The following SLC2A2 variants were observed in gnomAD, a reference collection of about 807,000 sequenced individuals.
The protein encoded by SLC2A2 is solute carrier family 2 member 2.
A neutral mutation model predicts 54.5 loss-of-function variants in SLC2A2; 36 were observed. The observed-to-expected ratio is 0.66, with a 90% CI of 0.51 to 0.87. The LOEUF is 0.87. Ranked by LOEUF, SLC2A2 falls within the 40% of genes least tolerant of loss-of-function variation. The probability of loss-of-function intolerance (pLI) is 0.00; values close to 1 mark genes in which losing one functional copy is unlikely to be tolerated. For missense variants in SLC2A2, 543 were observed against 624.3 expected (o/e 0.87, Z 1.39); for synonymous variants, 223 against 219.1 (o/e 1.02, Z -0.16).
Position 171,002,597 on chromosome 3 carries a change from GT to G in SLC2A2, c.1046del (p.Asn349ThrfsTer22). ...TTACAGAGACAGCAGTGAAAACCAT[GT>G]TTACAGCGCCAACTCCAATGGTTGC... ...VYATIGVGAVNMVFTAVSVFL... is the reference protein window; with the variant it reads ...VYATIGVGAVXMVFTAVSVFL... On this transcript the variant is annotated frameshift_variant, in exon 8 of 11. Transcript: ENST00000314251. LOFTEE classifies it high-confidence loss of function. 1 of 1,609,228 alleles carries G rather than the reference GT, an allele frequency of 6.2e-7. No homozygotes were observed. Among genetic ancestry groups the G allele is most frequent in the Non-Finnish European group, 8.5e-7 (1 of 1,176,542 alleles).
intron 4 of SLC2A2, among the ~76,000 whole-genome samples, chr3:171,007,742 A>G (rs944034099): frequency 1.3e-5 from 2 of 151,974 alleles, no homozygotes; most frequent in Non-Finnish European, 2.9e-5. Context: ...CCCTATCTGA[A>G]TTTCCACAAC....
At chr3:171,008,539 G>A (rs1715718570) in intron 4 of SLC2A2, among the ~76,000 whole-genome samples, 1 of 152,060 alleles carries the variant, frequency 6.6e-6, no homozygotes, top group African/African-American at 2.4e-5. Flanking sequence ...AATTTTAGAA[G>A]ATAGTTAGGG....
At chr3:171,011,625 G>A (rs61791106) in intron 3 of SLC2A2, among the ~76,000 whole-genome samples, 34,340 of 152,048 alleles carry the variant, frequency 0.23, 5,679 homozygotes, top group African/African-American at 0.47. Flanking sequence ...CAGCAGCAAT[G>A]TGAAATGAGT....
rs566648032 is a variant in SLC2A2, at chr3:171,015,969, C to T, written c.109-1238G>A. Among the ~76,000 whole-genome samples, 3 of 152,178 alleles carry T rather than the reference C, an allele frequency of 2.0e-5. No individual in the cohort carries two copies. In the South Asian group the frequency reaches 6.2e-4, roughly 32 times the overall value. On this transcript the variant is annotated intron_variant, in intron 2 of 10. Transcript: ENST00000314251. The stretch of plus-strand genomic sequence containing the variant: ...GCCATCTTCCTCCCATGTCATTCCT[C>T]TCAATGATGATTTGGTCACTATTTA...
chr3:171,001,364 A>T (rs1323863252), intron 8 of SLC2A2, among the ~76,000 whole-genome samples: 1 of 151,966 alleles, frequency 6.6e-6, no homozygotes, highest in African/African-American at 2.4e-5. Flanking sequence ...ATTGATTTAG[A>T]GTGGCCTTTT....
rs902152333 is a variant in SLC2A2, at chr3:170,997,668, T to A, written c.*235A>T. ...AATATTAGAACCACCTGCCCTTTAGTGTAACAAAATAAACTAGCCTTTTTG... is the reference window on the plus strand; with the variant it reads ...AATATTAGAACCACCTGCCCTTTAGAGTAACAAAATAAACTAGCCTTTTTG... On this transcript the variant is annotated 3_prime_UTR_variant, in exon 11 of 11. Coordinates refer to ENST00000314251, the MANE Select transcript of SLC2A2 (RefSeq NM_000340.2). The A allele has an allele frequency of 1.9e-6, 1 of 518,544 alleles. No individual in the cohort carries two copies. The allele number at this position is 518,544 out of a possible 1,614,324, so 32.1% of individuals were successfully genotyped here. A position where few individuals can be genotyped will look rare whatever the true frequency, so the allele number is the denominator to read the frequency against.
Position 170,997,863 on chromosome 3 carries a change from C to T in SLC2A2, c.*40G>A. Reference sequence around the variant, plus strand: ...TCATCATTTAAAAACAGACGGTTCCCTTATTGTTTCTGTTCATGTCAAAAA... The same window carrying T: ...TCATCATTTAAAAACAGACGGTTCCTTTATTGTTTCTGTTCATGTCAAAAA... On this transcript the variant is annotated 3_prime_UTR_variant, in exon 11 of 11. Transcript: ENST00000314251. 1 of 1,513,610 alleles carries T rather than the reference C, an allele frequency of 6.6e-7. No individual in the cohort carries two copies. Among genetic ancestry groups the T allele is most frequent in the South Asian group, 1.2e-5 (1 of 86,704 alleles). The allele number at this position is 1,513,610 out of a possible 1,614,324, so 93.8% of individuals were successfully genotyped here. A position where few individuals can be genotyped will look rare whatever the true frequency, so the allele number is the denominator to read the frequency against.
intron 1 of SLC2A2, among the ~76,000 whole-genome samples, chr3:171,021,908 G>A (rs2108265527): frequency 6.6e-6 from 1 of 152,252 alleles, no homozygotes; most frequent in East Asian, 1.9e-4. Context: ...ACATCTCTCT[G>A]GCACTGACAA....
chr3:171,017,372 C>A (rs942611946), intron 2 of SLC2A2, among the ~76,000 whole-genome samples: 16 of 152,184 alleles, frequency 1.1e-4, no homozygotes, highest in Non-Finnish European at 2.2e-4. Flanking sequence ...TGCCACACTC[C>A]TGATGATTGT....
At chr3:171,017,342 A>G (rs1346219804) in intron 2 of SLC2A2, among the ~76,000 whole-genome samples, 2 of 152,192 alleles carry the variant, frequency 1.3e-5, no homozygotes, top group Non-Finnish European at 2.9e-5. Context: ...CCCCAGCACT[A>G]TGCCCTGGAT....
chr3:170,998,192 C>T lies in SLC2A2; in HGVS notation c.1374+1G>A. On this transcript the variant is annotated splice_donor_variant, in intron 10 of 10. Transcript: ENST00000314251. LOFTEE classifies it high-confidence loss of function. ...AATCTGTGGAATATTAGGCTGCTTA[C>T]CGCAATGTACTGGAAACACAGAGCT... The T allele has an allele frequency of 1.2e-6, 2 of 1,613,654 alleles. No homozygotes were observed. Among genetic ancestry groups the T allele is most frequent in the South Asian group, 2.2e-5 (2 of 91,078 alleles).
In SLC2A2 at chr3:171,006,112, A is replaced by G; in HGVS notation, c.613-7T>C. 1.6e-5 allele frequency: 25 copies of G among 1,611,034 alleles called. No homozygotes were observed. Among genetic ancestry groups the G allele is most frequent in the Non-Finnish European group, 2.0e-5 (24 of 1,177,824 alleles). On this transcript the variant is annotated splice_polypyrimidine_tract_variant and splice_region_variant and intron_variant, in intron 5 of 10. Coordinates refer to ENST00000314251, the MANE Select transcript of SLC2A2 (RefSeq NM_000340.2). The stretch of plus-strand genomic sequence containing the variant: ...TAAATTCAAGACCAATAATCTGAAA[A>G]TGCAAGGAGGAAGTATATCAACTAC...
At position 170,997,105 on chromosome 3, in the gene SLC2A2, A is replaced by G. The variant is rs959004631; in HGVS notation, c.*798T>C. The stretch of plus-strand genomic sequence containing the variant: ...CCTCAATTAAAAAGCAAAGCAAACT[A>G]TAACTCAAAGGATTGTACCAGAAGG... On this transcript the variant is annotated 3_prime_UTR_variant, in exon 11 of 11. Coordinates refer to ENST00000314251, the MANE Select transcript of SLC2A2 (RefSeq NM_000340.2). 2.0e-5 allele frequency: 3 copies of G among 153,826 alleles called. No homozygotes were observed. The highest frequency in any genetic ancestry group is 7.2e-5 in the African/African-American group (3 of 41,536). The allele number at this position is 153,826 out of a possible 1,614,324, so 9.5% of individuals were successfully genotyped here. A position where few individuals can be genotyped will look rare whatever the true frequency, so the allele number is the denominator to read the frequency against.
At chr3:171,022,499 GGCAAA>G (rs1716509330) in intron 1 of SLC2A2, among the ~76,000 whole-genome samples, 2 of 152,278 alleles carry the variant, frequency 1.3e-5, no homozygotes, top group South Asian at 4.1e-4. Flanking sequence ...AGTCCAAAAA[GGCAAA>G]GCCTACTCAA....
At chr3:171,007,023 G>T in intron 5 of SLC2A2, 125 bp downstream of exon 5, 1 of 713,094 alleles carries the variant, frequency 1.4e-6, no homozygotes, top group South Asian at 1.5e-5. Context: ...AGTGAGAATG[G>T]ACAGTCAGGG....
Position 170,997,558 on chromosome 3 carries a change from C to T in SLC2A2, c.*345G>A, listed in dbSNP as rs1458239166. On this transcript the variant is annotated 3_prime_UTR_variant, in exon 11 of 11. Coordinates refer to ENST00000314251, the MANE Select transcript of SLC2A2 (RefSeq NM_000340.2). ...AATATATAAATATTTGTTGCATCCT[C>T]AGGTTTCTAGTTATGTGTTAAAAAA... 9.1e-6 allele frequency: 2 copies of T among 219,492 alleles called. No homozygotes were observed. The highest frequency in any genetic ancestry group is 1.8e-5 in the Non-Finnish European group (2 of 111,626). The allele number at this position is 219,492 out of a possible 1,614,324, so 13.6% of individuals were successfully genotyped here.
At chr3:171,014,795 T>A in intron 2 of SLC2A2, 64 bp from the exon 3 acceptor site, 1 of 1,386,334 alleles carries the variant, frequency 7.2e-7, no homozygotes, top group Non-Finnish European at 1.0e-6. Context: ...TTTTTGTCTT[T>A]AAAGTGTTTG....
intron 1 of SLC2A2, among the ~76,000 whole-genome samples, chr3:171,019,863 G>A (rs1315350096): frequency 6.6e-6 from 1 of 152,180 alleles, no homozygotes; most frequent in Non-Finnish European, 1.5e-5. Flanking sequence ...ATGTTTTCTT[G>A]AAGAACAAAT....
chr3:171,026,610 C>T, intron 1 of SLC2A2, 46 bp downstream of exon 1: 6 of 1,561,678 alleles, frequency 3.8e-6, no homozygotes, highest in Non-Finnish European at 5.3e-6. Flanking sequence ...ATTCCCCTAA[C>T]TATCTCCTGA....
Sources: gnomAD v4.1 joint callset for allele counts (sites outside exome capture counted in the v4.1 genomes callset) on GRCh38, gnomAD v4.1.1 for gene constraint, MANE v1.5 for transcripts, NCBI Gene and HGNC (gene_info 2026-07-23, HGNC 2026-07-21) for gene names.